RIT2: variants seen among roughly 807,000 people sequenced by gnomAD.
RIT2 encodes GTP-binding protein Rit2.
RIT2 carries 24 observed loss-of-function variants against 23.7 expected under a neutral mutation model. That is an observed-to-expected ratio of 1.01 (90% CI 0.73 to 1.43). The LOEUF (loss-of-function observed/expected upper bound fraction) is 1.43, where lower values mean the gene tolerates loss of function less well. Ranked by LOEUF, RIT2 falls within the 40% of genes most tolerant of loss-of-function variation. The pLI is 0.00. For synonymous variants in RIT2, 107 were observed against 91.1 expected, an observed-to-expected ratio of 1.17 and a Z score of -0.99; for missense variants, 236 against 266.9, an observed-to-expected ratio of 0.88 and a Z score of 0.81.
At chr18:42,942,365 C>A (rs948581926) in intron 3 of RIT2, among the ~76,000 whole-genome samples, 1 of 152,086 alleles carries the variant, frequency 6.6e-6, no homozygotes, top group African/African-American at 2.4e-5. Flanking sequence ...GACTCAGTAT[C>A]GGAAGCCTCT....
At chr18:42,784,851 C>A (rs922852502) in intron 4 of RIT2, among the ~76,000 whole-genome samples, 1 of 151,792 alleles carries the variant, frequency 6.6e-6, no homozygotes, top group Non-Finnish European at 1.5e-5. Context: ...TCAAACAGAC[C>A]GAAACTTGAA....
chr18:42,782,553 G>T (rs1343598744), intron 4 of RIT2, among the ~76,000 whole-genome samples: 1 of 152,080 alleles, frequency 6.6e-6, no homozygotes, highest in African/African-American at 2.4e-5. Flanking sequence ...GTAGATAGAT[G>T]CAATATAAGA....
intron 2 of RIT2, among the ~76,000 whole-genome samples, chr18:42,998,920 G>A (rs1466804740): frequency 6.6e-6 from 1 of 152,044 alleles, no homozygotes; most frequent in Admixed American, 6.6e-5. Context: ...TCAGATGATT[G>A]CGAACCAGGT....
chr18:42,882,439 T>A (rs1359418449), intron 4 of RIT2, among the ~76,000 whole-genome samples: 1 of 152,208 alleles, frequency 6.6e-6, no homozygotes, highest in African/African-American at 2.4e-5. Context: ...TATATCTGAC[T>A]GTCCATATGC....
At chr18:42,795,100 CCTCG>C (rs1251768388) in intron 4 of RIT2, among the ~76,000 whole-genome samples, 1 of 152,224 alleles carries the variant, frequency 6.6e-6, no homozygotes, top group Admixed American at 6.5e-5. Flanking sequence ...TCCTCACAGC[CCTCG>C]CTCGCTCTCG....
At chr18:42,766,185 T>A (rs1280488709) in intron 4 of RIT2, among the ~76,000 whole-genome samples, 2 of 151,570 alleles carry the variant, frequency 1.3e-5, no homozygotes, top group Non-Finnish European at 2.9e-5. Context: ...CAGGCAGAGG[T>A]TGGAATAGTT....
intron 4 of RIT2, among the ~76,000 whole-genome samples, chr18:42,819,729 C>T (rs1353820391): frequency 6.6e-6 from 1 of 151,992 alleles, no homozygotes; most frequent in African/African-American, 2.4e-5. Context: ...ATTTTATTCA[C>T]CTGTTAAATG....
chr18:43,085,482 A>G (rs1057508706), intron 1 of RIT2, among the ~76,000 whole-genome samples: 1 of 152,096 alleles, frequency 6.6e-6, no homozygotes, highest in Non-Finnish European at 1.5e-5. Context: ...CCTTTGCTCA[A>G]TATCTTCTCT....
chr18:42,767,794 G>C (rs190383966), intron 4 of RIT2, among the ~76,000 whole-genome samples: 6 of 152,060 alleles, frequency 3.9e-5, no homozygotes, highest in Non-Finnish European at 7.4e-5. Context: ...AGTCTTTCCC[G>C]TGCTATTCTT....
chr18:43,095,263 G>A (rs1344533230), intron 1 of RIT2, among the ~76,000 whole-genome samples: 5 of 151,998 alleles, frequency 3.3e-5, no homozygotes, highest in Non-Finnish European at 5.9e-5. Flanking sequence ...TCTAATTGGC[G>A]TGAGATGTTA....
At chr18:43,011,904 A>G (rs1276117385) in intron 2 of RIT2, among the ~76,000 whole-genome samples, 1 of 151,858 alleles carries the variant, frequency 6.6e-6, no homozygotes, top group Non-Finnish European at 1.5e-5. Flanking sequence ...TTGTATTTTA[A>G]TCAGGAACAT....
At chr18:43,009,627 A>G (rs1598746746) in intron 2 of RIT2, among the ~76,000 whole-genome samples, 1 of 151,632 alleles carries the variant, frequency 6.6e-6, no homozygotes, top group African/African-American at 2.4e-5. Flanking sequence ...ATTAAAGACA[A>G]TTTCAGAAAT....
intron 3 of RIT2, among the ~76,000 whole-genome samples, chr18:42,927,653 A>C (rs1368025754): frequency 2.0e-5 from 3 of 151,930 alleles, no homozygotes; most frequent in Non-Finnish European, 4.4e-5. Context: ...TTGTTGGTTA[A>C]TTATTCAGGA....
At chr18:43,072,376 C>T (rs1329030835) in intron 1 of RIT2, among the ~76,000 whole-genome samples, 2 of 152,078 alleles carry the variant, frequency 1.3e-5, no homozygotes, top group Non-Finnish European at 2.9e-5. Context: ...AATCAATTTG[C>T]TTATGACACT....
intron 1 of RIT2, among the ~76,000 whole-genome samples, chr18:43,059,147 T>C (rs1044685930): frequency 1.3e-5 from 2 of 152,252 alleles, no homozygotes; most frequent in Non-Finnish European, 2.9e-5. Context: ...CTTTTTAAGA[T>C]AGTAGAAGTC....
At chr18:42,982,599 C>A (rs532430324) in intron 2 of RIT2, among the ~76,000 whole-genome samples, 1 of 152,150 alleles carries the variant, frequency 6.6e-6, no homozygotes, top group South Asian at 2.1e-4. Flanking sequence ...ATACAGTTAT[C>A]CCATTATTGT....
At chr18:42,877,366 T>A (rs904439699) in intron 4 of RIT2, among the ~76,000 whole-genome samples, 5 of 151,756 alleles carry the variant, frequency 3.3e-5, no homozygotes, top group African/African-American at 1.2e-4. Context: ...TGGTTATCTC[T>A]ATGAGGGTAA....
intron 4 of RIT2, among the ~76,000 whole-genome samples, chr18:42,757,031 C>T (rs952444169): frequency 2.0e-5 from 3 of 152,118 alleles, no homozygotes; most frequent in Non-Finnish European, 4.4e-5. Flanking sequence ...GTCAGCAACA[C>T]CTCAATGCTT....
At chr18:42,928,408 C>T (rs1469185196) in intron 3 of RIT2, among the ~76,000 whole-genome samples, 1 of 152,020 alleles carries the variant, frequency 6.6e-6, no homozygotes, top group African/African-American at 2.4e-5. Context: ...TTGTACAGAG[C>T]TCCTCAACTT....
Sources: allele counts gnomAD v4.1 joint callset (sites outside exome capture counted in the v4.1 genomes callset), GRCh38; gene constraint gnomAD v4.1.1; transcripts MANE v1.5; gene names NCBI Gene and HGNC (gene_info 2026-07-23, HGNC 2026-07-21).